The following DAB2IP variants were observed in gnomAD, a reference collection of about 807,000 sequenced individuals.
DAB2IP encodes the protein disabled homolog 2-interacting protein.
A neutral mutation model predicts 107.2 loss-of-function variants in DAB2IP; 28 were observed. The ratio of observed to expected loss-of-function variants is 0.26; its 90% CI spans 0.19 to 0.36. The LOEUF is 0.36. DAB2IP is among the 10% of genes least tolerant of loss of function. The pLI is 1.00. For missense variants in DAB2IP, 1,400 were observed against 1,644.7 expected, an observed-to-expected ratio of 0.85 and a Z score of 2.57; for synonymous variants, 755 against 706.4, an observed-to-expected ratio of 1.07 and a Z score of -1.09.
chr9:121,671,135 G>A (rs1833664101), intron 1 of DAB2IP, among the ~76,000 whole-genome samples: 1 of 152,100 alleles, frequency 6.6e-6, no homozygotes, highest in Non-Finnish European at 1.5e-5. Flanking sequence ...TGGCAACAGA[G>A]TGAGACTCCG....
At position 121,653,762 on chromosome 9, in the gene DAB2IP, A is replaced by G. The variant is rs142580114; in HGVS notation, c.124+1863A>G. Reference sequence around the variant, plus strand: ...CAGCTGACCTCCTGCTCAGCTGACCAGGCAGGGGATAATCAATGTGTCAGG... The same window carrying G: ...CAGCTGACCTCCTGCTCAGCTGACCGGGCAGGGGATAATCAATGTGTCAGG... On this transcript the variant is annotated intron_variant, in intron 1 of 15. Transcript: ENST00000408936. Among the ~76,000 whole-genome samples the G allele has an allele frequency of 2.1e-3, 314 of 152,220 alleles. 2 individuals carry two copies. The highest frequency in any genetic ancestry group is 7.1e-3 in the African/African-American group (295 of 41,524).
intron 1 of DAB2IP, among the ~76,000 whole-genome samples, chr9:121,583,143 T>G (rs1830238107): frequency 1.3e-5 from 2 of 152,128 alleles, no homozygotes; most frequent in Admixed American, 1.3e-4. Context: ...TCCCAACACT[T>G]TGGGAGGCCA....
exon 7 of DAB2IP, chr9:121,763,561 C>T (rs1319795744): frequency 2.5e-6 from 4 of 1,613,936 alleles, no homozygotes; most frequent in Non-Finnish European, 3.4e-6. Flanking sequence ...ACAACGAGCA[C>T]CTCATCTTCC....
chr9:121,734,089 G>C (rs1053436753), intron 3 of DAB2IP, among the ~76,000 whole-genome samples: 7 of 151,240 alleles, frequency 4.6e-5, no homozygotes, highest in Admixed American at 3.9e-4. Context: ...TACTAAAGAT[G>C]TTGCTGGGCC....
intron 1 of DAB2IP, among the ~76,000 whole-genome samples, chr9:121,653,703 C>T (rs1832857377): frequency 6.6e-6 from 1 of 152,220 alleles, no homozygotes; most frequent in East Asian, 1.9e-4. Context: ...AGCCCAGTTC[C>T]ATCCCTGACT....
upstream of DAB2IP, among the ~76,000 whole-genome samples, chr9:121,648,867 G>A (rs988800398): frequency 1.3e-5 from 2 of 152,154 alleles, no homozygotes; most frequent in Non-Finnish European, 2.9e-5. Context: ...GGAAGCAGTG[G>A]TAGCAATGGT....
At chr9:121,617,763 G>A (rs951044578) in intron 1 of DAB2IP, among the ~76,000 whole-genome samples, 1 of 152,232 alleles carries the variant, frequency 6.6e-6, no homozygotes, top group Admixed American at 6.5e-5. Flanking sequence ...GTGGGGCAAG[G>A]CCTCATACCC....
intron 1 of DAB2IP, among the ~76,000 whole-genome samples, chr9:121,652,359 G>A (rs1832778940): frequency 6.6e-6 from 1 of 152,154 alleles, no homozygotes; most frequent in South Asian, 2.1e-4. Flanking sequence ...AAGGAACCGT[G>A]ACCCCTCGAG....
rs368741203 is a variant in DAB2IP, at chr9:121,639,670, C to T, written c.41-39008C>T. ...CCATTTTGGGCCTCAGTTTGCCCAT[C>T]TGTACCATGAGGTTTATAACCCCTC... On this transcript the variant is annotated intron_variant, in intron 1 of 16. Coordinates refer to the DAB2IP transcript ENST00000259371. 2.6e-5 allele frequency among the ~76,000 whole-genome samples: 4 copies of T among 152,246 alleles called. No homozygotes were observed. In the South Asian group the frequency reaches 8.3e-4, roughly 32 times the overall value.
intron 3 of DAB2IP, among the ~76,000 whole-genome samples, chr9:121,727,867 C>T (rs1831317425): frequency 6.6e-6 from 1 of 152,226 alleles, no homozygotes; most frequent in Non-Finnish European, 1.5e-5. Context: ...CCACCTCCAT[C>T]TCCTTCTCCC....
upstream of DAB2IP, among the ~76,000 whole-genome samples, chr9:121,651,363 T>C (rs1832729655): frequency 6.6e-6 from 1 of 152,168 alleles, no homozygotes; most frequent in Admixed American, 6.5e-5. The surrounding 1 kb of genome is among the most constrained non-coding windows in gnomAD (Gnocchi z 5.1). Context: ...GTGCACCGTC[T>C]ACCCGCGCTG....
Position 121,599,558 on chromosome 9 carries a change from A to G in DAB2IP, c.40+32330A>G, listed in dbSNP as rs1830620779. On this transcript the variant is annotated intron_variant, in intron 1 of 16. Transcript: ENST00000259371. The surrounding 1 kb of genome is among the most constrained non-coding windows in gnomAD (Gnocchi z 6.9). ...AGCCGTAGAGCGGCGGCGCCGGGGG[A>G]GGCGCGGAGCCGGCCGTAGCGCGCT... 6.6e-6 allele frequency among the ~76,000 whole-genome samples: 1 copy of G among 150,962 alleles called. No individual in the cohort carries two copies. Among genetic ancestry groups the G allele is most frequent in the Non-Finnish European group, 1.5e-5 (1 of 67,666 alleles).
At chr9:121,711,635 C>G (rs1429499831) in intron 3 of DAB2IP, among the ~76,000 whole-genome samples, 7 of 152,190 alleles carry the variant, frequency 4.6e-5, no homozygotes, top group African/African-American at 1.7e-4. Context: ...GTTCCCTGCC[C>G]TTAGTACCTG....
intron 1 of DAB2IP, among the ~76,000 whole-genome samples, chr9:121,663,418 C>T (rs747212625): frequency 2.6e-5 from 4 of 152,106 alleles, no homozygotes; most frequent in Non-Finnish European, 5.9e-5. Flanking sequence ...AAACACGTCC[C>T]CTCTGAGCAG....
At chr9:121,626,562 T>A (rs1418074239) in intron 1 of DAB2IP, among the ~76,000 whole-genome samples, 1 of 151,842 alleles carries the variant, frequency 6.6e-6, no homozygotes, top group Non-Finnish European at 1.5e-5. Context: ...TAGCTGGGAT[T>A]ACAGGCATCT....
Position 121,758,889 on chromosome 9 carries a change from T to TC in DAB2IP, c.517-5dup, listed in dbSNP as rs1341240683. 13 of 1,611,752 alleles carry TC rather than the reference T, an allele frequency of 8.1e-6. No individual in the cohort carries two copies. The highest frequency in any genetic ancestry group is 1.1e-5 in the Non-Finnish European group (13 of 1,179,294). Reference sequence around the variant, plus strand: ...TCCCTCATAACACTGTCTTGCCTGCTCCCCACAGGTGACGACGTCATCAGG... The same window carrying TC: ...TCCCTCATAACACTGTCTTGCCTGCTCCCCCACAGGTGACGACGTCATCAGG... On this transcript the variant is annotated splice_polypyrimidine_tract_variant and intron_variant, in intron 4 of 15. Transcript: ENST00000408936.
chr9:121,650,602 C>T (rs1832705599), upstream of DAB2IP, among the ~76,000 whole-genome samples: 1 of 152,218 alleles, frequency 6.6e-6, no homozygotes, highest in South Asian at 2.1e-4. Flanking sequence ...GCAAGACCTC[C>T]TTGCCAAGGC....
At chr9:121,773,593 A>C (rs939847066) in intron 12 of DAB2IP, 98 bp downstream of exon 12, 2 of 1,286,680 alleles carry the variant, frequency 1.6e-6, no homozygotes, top group Non-Finnish European at 2.0e-6. Flanking sequence ...TTTCACCTCC[A>C]CCCTCACCCA....
chr9:121,627,633 C>G (rs371188992), intron 1 of DAB2IP, among the ~76,000 whole-genome samples: 3 of 151,912 alleles, frequency 2.0e-5, no homozygotes, highest in Non-Finnish European at 4.4e-5. Flanking sequence ...GTATGAAGAG[C>G]GGGGCTGGGC....
Sources: allele counts gnomAD v4.1 joint callset (sites outside exome capture counted in the v4.1 genomes callset), GRCh38; gene constraint gnomAD v4.1.1; non-coding constraint Gnocchi (gnomAD v3.1); transcripts MANE v1.5; gene names NCBI Gene and HGNC (gene_info 2026-07-23, HGNC 2026-07-21).